KLF8: variants seen among roughly 807,000 people sequenced by gnomAD.
The protein encoded by KLF8 is Krueppel-like factor 8.
Under a neutral mutation model 18.2 loss-of-function variants are expected in KLF8, and 10 were observed. The ratio of observed to expected loss-of-function variants is 0.55; its 90% confidence interval spans 0.34 to 0.93. The LOEUF (loss-of-function observed/expected upper bound fraction) is 0.93. Among genes scored for constraint, KLF8 ranks in the 40% least tolerant of loss-of-function variants. The pLI, the probability that KLF8 is intolerant of heterozygous loss-of-function variation, is 0.02. For missense variants in KLF8, 264 were observed against 277.9 expected (o/e 0.95, Z 0.36); for synonymous variants, 109 against 97.3 (o/e 1.12, Z -0.71).
the KLF8 span, among the ~76,000 whole-genome samples, chrX:56,110,390 AG>A: frequency 4.5e-5 from 5 of 111,749 alleles, no homozygotes; most frequent in Non-Finnish European, 9.4e-5. Context: ...AATATCATAT[AG>A]TTGGGTCGTT....
At chrX:56,163,568 G>C in the KLF8 span, among the ~76,000 whole-genome samples, 1 of 111,790 alleles carries the variant, frequency 8.9e-6, no homozygotes, top group African/African-American at 3.2e-5. Flanking sequence ...GATAGTTTCT[G>C]TTGCTGTGCA....
the KLF8 span, among the ~76,000 whole-genome samples, chrX:56,212,511 T>C: frequency 8.9e-6 from 1 of 112,030 alleles, no homozygotes; most frequent in Non-Finnish European, 1.9e-5. Context: ...TGATTCGCAA[T>C]TCTCTGGCTA....
chrX:56,140,950 A>T, the KLF8 span, among the ~76,000 whole-genome samples: 1 of 111,028 alleles, frequency 9.0e-6, no homozygotes, highest in Non-Finnish European at 1.9e-5. Context: ...ACATCTCATT[A>T]TTGTTTACTT....
chrX:56,103,854 T>C, the KLF8 span, among the ~76,000 whole-genome samples: 2 of 111,202 alleles, frequency 1.8e-5, no homozygotes, highest in Non-Finnish European at 3.8e-5. Context: ...GGGTTTGTCA[T>C]AGATAGCTCT....
At chrX:56,103,613 T>A in the KLF8 span, among the ~76,000 whole-genome samples, 3 of 111,719 alleles carry the variant, frequency 2.7e-5, no homozygotes, top group African/African-American at 9.8e-5. Flanking sequence ...GATTTTGGGC[T>A]GAGACAATGG....
intron 1 of KLF8, among the ~76,000 whole-genome samples, chrX:56,237,137 C>T (rs2066486119): frequency 2.0e-5 from 2 of 101,740 alleles, no homozygotes; most frequent in Admixed American, 2.2e-4. Flanking sequence ...CCCCCCCATC[C>T]CCCCCAAAAA....
the KLF8 span, among the ~76,000 whole-genome samples, chrX:56,051,046 C>T: frequency 3.6e-4 from 40 of 109,738 alleles, no homozygotes; most frequent in Non-Finnish European, 6.7e-4. Flanking sequence ...CTCTTTTGAT[C>T]TTTGTTGGTT....
At chrX:55,931,528 A>C in the KLF8 span, among the ~76,000 whole-genome samples, 2 of 111,946 alleles carry the variant, frequency 1.8e-5, no homozygotes, top group South Asian at 7.5e-4. Context: ...ATTTCCATCT[A>C]AACACTGCTT....
the KLF8 span, among the ~76,000 whole-genome samples, chrX:56,047,221 T>C: frequency 4.1e-4 from 45 of 110,862 alleles, no homozygotes; most frequent in African/African-American, 1.2e-3. Flanking sequence ...GTGATGTTTT[T>C]TTTTATTTAT....
the KLF8 span, among the ~76,000 whole-genome samples, chrX:56,211,097 C>T: frequency 1.2e-4 from 13 of 110,305 alleles, no homozygotes; most frequent in Non-Finnish European, 2.3e-4. Context: ...AGTAGATGTT[C>T]TTCATTGTCT....
chrX:56,256,117 A>G, intron 2 of KLF8, among the ~76,000 whole-genome samples: 1 of 111,197 alleles, frequency 9.0e-6, no homozygotes, highest in Non-Finnish European at 1.9e-5. Context: ...GGTAGGTTAT[A>G]TGTGTCTAGG....
chrX:56,088,612 C>T, the KLF8 span, among the ~76,000 whole-genome samples: 1 of 111,696 alleles, frequency 9.0e-6, no homozygotes, highest in Non-Finnish European at 1.9e-5. Flanking sequence ...GCTCTGAGGA[C>T]CAACTGCTCT....
the KLF8 span, among the ~76,000 whole-genome samples, chrX:56,157,415 T>C: frequency 9.0e-6 from 1 of 110,962 alleles, no homozygotes; most frequent in Non-Finnish European, 1.9e-5. Flanking sequence ...AGATATGGGA[T>C]GGCTGGGTCA....
the KLF8 span, among the ~76,000 whole-genome samples, chrX:56,071,004 G>A: frequency 8.9e-6 from 1 of 111,825 alleles, no homozygotes; most frequent in African/African-American, 3.2e-5. Flanking sequence ...CCTGTGAAGA[G>A]TGAAATAGTT....
At chrX:55,953,642 T>C in the KLF8 span, among the ~76,000 whole-genome samples, 1 of 111,144 alleles carries the variant, frequency 9.0e-6, no homozygotes, top group African/African-American at 3.3e-5. Context: ...ATAAGTGGAA[T>C]AGAATTGAGC....
At chrX:55,919,659 C>T in the KLF8 span, among the ~76,000 whole-genome samples, 1 of 109,086 alleles carries the variant, frequency 9.2e-6, no homozygotes, top group Non-Finnish European at 1.9e-5. Flanking sequence ...CATAATCCCC[C>T]GGGAATATAA....
the KLF8 span, among the ~76,000 whole-genome samples, chrX:55,928,881 T>C: frequency 1.8e-5 from 2 of 112,189 alleles, no homozygotes; most frequent in Non-Finnish European, 1.9e-5. Flanking sequence ...TTTGGGTCTA[T>C]ACCCAGTCAA....
the KLF8 span, among the ~76,000 whole-genome samples, chrX:56,046,859 G>C: frequency 9.0e-6 from 1 of 111,062 alleles, no homozygotes; most frequent in Non-Finnish European, 1.9e-5. Flanking sequence ...GTGCTTAGGC[G>C]ATGATCTTTT....
intron 1 of KLF8, among the ~76,000 whole-genome samples, chrX:56,233,740 C>T (rs2066432922): frequency 8.9e-6 from 1 of 111,916 alleles, no homozygotes; most frequent in Non-Finnish European, 1.9e-5. Context: ...CAGGTAACCC[C>T]CTGAAGCCAT....
Sources: gnomAD v4.1 joint callset for allele counts (sites outside exome capture counted in the v4.1 genomes callset) on GRCh38, gnomAD v4.1.1 for gene constraint, MANE v1.5 for transcripts, NCBI Gene and HGNC (gene_info 2026-07-23, HGNC 2026-07-21) for gene names.